NMRAL1: variants seen among roughly 807,000 people sequenced by gnomAD.
The protein encoded by NMRAL1 is NmrA like redox sensor 1.
In NMRAL1, 32 loss-of-function variants were observed where a neutral mutation model predicts 27.5. That is an observed-to-expected ratio of 1.16 (90% CI 0.88 to 1.56). NMRAL1 has a LOEUF of 1.56. Ranked by LOEUF, NMRAL1 falls within the 40% of genes most tolerant of loss-of-function variation. The probability of loss-of-function intolerance (pLI) is 0.00; values close to 1 mark genes in which losing one functional copy is unlikely to be tolerated. For synonymous variants in NMRAL1, 166 were observed against 166.8 expected, an observed-to-expected ratio of 1.00 and a Z score of 0.04; for missense variants, 420 against 392.0, an observed-to-expected ratio of 1.07 and a Z score of -0.60.
intron 2 of NMRAL1, among the ~76,000 whole-genome samples, chr16:4,472,743 CAAA>C (rs1351049797): frequency 5.2e-5 from 4 of 77,048 alleles, no homozygotes; most frequent in African/African-American, 4.1e-5. Flanking sequence ...GACTCTGTCT[CAAA>C]AAAAAAAAAA....
At chr16:4,463,586 C>T (rs1464793790) in intron 5 of NMRAL1, 74 bp downstream of exon 5, 1 of 1,411,790 alleles carries the variant, frequency 7.1e-7, no homozygotes, top group Non-Finnish European at 9.9e-7. Flanking sequence ...GTGGGCAGCC[C>T]TGGACACACC....
At chr16:4,465,144 A>C (rs7206782) in intron 4 of NMRAL1, among the ~76,000 whole-genome samples, 103,097 of 150,782 alleles carry the variant, frequency 0.68, 35,595 homozygotes, top group Non-Finnish European at 0.74. Context: ...AAACTCCTGA[A>C]CTGGTGGTCT....
chr16:4,474,953 A>T (rs2057773577), upstream of NMRAL1: 1 of 151,748 alleles, frequency 6.6e-6, no homozygotes, highest in African/African-American at 2.4e-5. Flanking sequence ...TTAAAATTTT[A>T]TTATTTTTAT....
At chr16:4,462,042 T>C (rs2057133782) in intron 5 of NMRAL1, 83 bp from the exon 6 acceptor site, 1 of 1,118,302 alleles carries the variant, frequency 8.9e-7, no homozygotes, top group Non-Finnish European at 1.3e-6. Context: ...TGGGCTGGGG[T>C]CTCCCGACCT....
Position 4,466,199 on chromosome 16 carries a change from GGA to G in NMRAL1, c.481_482del (p.Ser161ProfsTer21). 6.2e-7 allele frequency: 1 copy of G among 1,614,180 alleles called. No individual in the cohort carries two copies. The highest frequency in any genetic ancestry group is 8.5e-7 in the Non-Finnish European group (1 of 1,180,024). Reference sequence around the variant, plus strand: ...CTGGGGCTTTCTGGGGCAAGAAGTGGGAGAGGAGGTTCTCAAAATAGCAGGGC... The same window carrying G: ...CTGGGGCTTTCTGGGGCAAGAAGTGGGAGGAGGTTCTCAAAATAGCAGGGC... ...RLPCYFENLLSHFLPQKAPDG... is the reference protein window; with the variant it reads ...RLPCYFENLLXHFLPQKAPDG... On this transcript the variant is annotated frameshift_variant, in exon 4 of 6. Transcript: ENST00000283429. LOFTEE classifies it high-confidence loss of function.
intron 2 of NMRAL1, among the ~76,000 whole-genome samples, chr16:4,472,367 G>T (rs1445599635): frequency 2.0e-5 from 3 of 150,700 alleles, no homozygotes; most frequent in Non-Finnish European, 3.0e-5. Context: ...GCTTGAACCC[G>T]GGAGGCAGAG....
chr16:4,471,970 G>A (rs919875922), intron 2 of NMRAL1, among the ~76,000 whole-genome samples: 5 of 152,008 alleles, frequency 3.3e-5, no homozygotes, highest in Admixed American at 2.0e-4. Flanking sequence ...AGCTACTCAG[G>A]CGAATGAGTC....
chr16:4,474,482 C>G, intron 1 of NMRAL1, 72 bp downstream of exon 1: 1 of 277,938 alleles, frequency 3.6e-6, no homozygotes, highest in Non-Finnish European at 7.0e-6. Flanking sequence ...ATTCTGCGGC[C>G]GAGTCCACTG....
intron 5 of NMRAL1, chr16:4,463,294 T>C (rs1053021433): frequency 6.2e-6 from 2 of 323,648 alleles, no homozygotes; most frequent in African/African-American, 4.4e-5. Context: ...CCTATCTTTC[T>C]AGCCTCTTTC....
At chr16:4,465,839 G>T (rs1162775916) in intron 4 of NMRAL1, among the ~76,000 whole-genome samples, 1 of 152,146 alleles carries the variant, frequency 6.6e-6, no homozygotes, top group Non-Finnish European at 1.5e-5. Flanking sequence ...CACAGCGCCC[G>T]GCCCTCCTCA....
chr16:4,466,269 T>C lies in NMRAL1; in HGVS notation c.413A>G (p.Glu138Gly). ...GGGAACGCCAATGTCCCGGAAATAT[T>C]CCTCCACCTCCCCTTTGCCGTCAAA... is the stretch of plus-strand genomic sequence containing the variant. ...AHFDGKGEVE[E>G]YFRDIGVPMT... Residue 138 changes from glutamate to glycine, a missense_variant, in exon 4 of 6, where the codon GAA becomes GGA. Physicochemically the swap from Glu to Gly is moderately conservative, Grantham distance 98. Coordinates refer to ENST00000283429, the MANE Select transcript of NMRAL1 (RefSeq NM_020677.6). 1 of 1,613,990 alleles carries C rather than the reference T, an allele frequency of 6.2e-7. No individual in the cohort carries two copies. Among genetic ancestry groups the C allele is most frequent in the South Asian group, 1.1e-5 (1 of 91,072 alleles).
rs774657702 is a variant in NMRAL1, at chr16:4,466,286, G to A, written c.396C>T (p.Gly132=). 6.2e-6 allele frequency: 10 copies of A among 1,613,946 alleles called. No individual in the cohort carries two copies. The highest frequency in any genetic ancestry group is 1.3e-5 in the African/African-American group (1 of 74,928). Residue 132 remains glycine, a synonymous_variant, in exon 4 of 6, where the codon GGC becomes GGT. Coordinates refer to ENST00000283429, the MANE Select transcript of NMRAL1 (RefSeq NM_020677.6). ...GGAAATATTCCTCCACCTCCCCTTT[G>A]CCGTCAAAGTGCGCGGCGGCCAATC... ...AGRLAAAHFD[G]KGEVEEYFRD...
At position 4,463,865 on chromosome 16, in the gene NMRAL1, C is replaced by T. The variant is rs200979522; in HGVS notation, c.530-15G>A. The T allele has an allele frequency of 6.2e-5, 99 of 1,609,248 alleles. 1 individual carries two copies. The highest frequency in any genetic ancestry group is 1.5e-4 in the Admixed American group (9 of 59,646). ...TGTGGGCAAGCCTGTGGGGCAGAGA[C>T]GTGAGCTGGTATATGTCCCGAGGGC... On this transcript the variant is annotated splice_polypyrimidine_tract_variant and intron_variant, in intron 4 of 5. Transcript: ENST00000283429.
intron 3 of NMRAL1, among the ~76,000 whole-genome samples, chr16:4,468,826 T>C (rs184068068): frequency 1.3e-5 from 2 of 152,136 alleles, no homozygotes; most frequent in African/African-American, 4.8e-5. Flanking sequence ...TACTGGGTAC[T>C]GTGCCCACTA....
chr16:4,463,695 T>C lies in NMRAL1; in HGVS notation c.685A>G (p.Thr229Ala). ...HTAEEYAALL[T>A]KHTRKVVHDA... Reference sequence around the variant, plus strand: ...TGCACGACCTTGCGGGTGTGCTTGGTGAGCAGGGCAGCGTACTCCTCGGCC... The same window carrying C: ...TGCACGACCTTGCGGGTGTGCTTGGCGAGCAGGGCAGCGTACTCCTCGGCC... Residue 229 changes from threonine to alanine, a missense_variant, in exon 5 of 6, where the codon ACC becomes GCC. Thr to Ala is a moderately conservative substitution (Grantham distance 58). Coordinates refer to ENST00000283429, the MANE Select transcript of NMRAL1 (RefSeq NM_020677.6). The C allele has an allele frequency of 6.2e-7, 1 of 1,613,988 alleles. No individual in the cohort carries two copies. Among genetic ancestry groups the C allele is most frequent in the Non-Finnish European group, 8.5e-7 (1 of 1,180,018 alleles).
chr16:4,468,841 G>A (rs1210260080), intron 3 of NMRAL1, among the ~76,000 whole-genome samples: 1 of 151,732 alleles, frequency 6.6e-6, no homozygotes, highest in Non-Finnish European at 1.5e-5. Context: ...CCACTACCTG[G>A]GTGACAGGTC....
chr16:4,469,942 A>C lies in NMRAL1; in HGVS notation c.41-477T>G, dbSNP rs149582891. ...CACTTTGGGAGGCCAGGCCGAGTGGATCACCAGGTAAGGAGACCGAGACCA... is the reference window on the plus strand; with the variant it reads ...CACTTTGGGAGGCCAGGCCGAGTGGCTCACCAGGTAAGGAGACCGAGACCA... On this transcript the variant is annotated intron_variant, in intron 2 of 5. Coordinates refer to ENST00000283429, the MANE Select transcript of NMRAL1 (RefSeq NM_020677.6). Among the ~76,000 whole-genome samples the C allele has an allele frequency of 3.7e-3, 566 of 151,632 alleles. 2 individuals carry two copies. Among genetic ancestry groups the C allele is most frequent in the African/African-American group, 0.013 (540 of 41,304 alleles).
At chr16:4,469,557 G>C (rs2057469589) in intron 2 of NMRAL1, 92 bp from the exon 3 acceptor site, 1 of 1,560,414 alleles carries the variant, frequency 6.4e-7, no homozygotes, top group African/African-American at 1.4e-5. Flanking sequence ...ACCACAGCAA[G>C]GAGCATCCAG....
chr16:4,468,882 A>G (rs757045215), intron 3 of NMRAL1, among the ~76,000 whole-genome samples: 16 of 152,016 alleles, frequency 1.1e-4, no homozygotes, highest in Non-Finnish European at 1.8e-4. Flanking sequence ...GCATCACTCA[A>G]TATACCAATG....
Sources: gnomAD v4.1 joint callset for allele counts (sites outside exome capture counted in the v4.1 genomes callset) on GRCh38, gnomAD v4.1.1 for gene constraint, MANE v1.5 for transcripts, NCBI Gene and HGNC (gene_info 2026-07-23, HGNC 2026-07-21) for gene names.